Variants in DSCAML1 observed in about 807,000 individuals in gnomAD.
DSCAML1 encodes DS cell adhesion molecule like 1, also known as cell adhesion molecule DSCAML1.
A neutral mutation model predicts 200.5 loss-of-function variants in DSCAML1; 38 were observed. The ratio of observed to expected loss-of-function variants is 0.19; its 90% CI spans 0.15 to 0.25. DSCAML1 has a LOEUF of 0.25. Among genes scored for constraint, DSCAML1 ranks in the 10% least tolerant of loss-of-function variants. The pLI is 1.00. For missense variants in DSCAML1, 2,223 were observed against 2,858.8 expected (o/e 0.78, Z 5.07); for synonymous variants, 1,215 against 1,165.0 (o/e 1.04, Z -0.87).
intron 3 of DSCAML1, among the ~76,000 whole-genome samples, chr11:117,765,622 GA>G (rs1011595271): frequency 2.0e-5 from 3 of 152,156 alleles, no homozygotes; most frequent in Admixed American, 1.3e-4. Context: ...CTAGCCCTAG[GA>G]AAAATTGAAA....
At chr11:117,727,599 T>C (rs2054153677) in intron 3 of DSCAML1, among the ~76,000 whole-genome samples, 1 of 152,212 alleles carries the variant, frequency 6.6e-6, no homozygotes, top group Admixed American at 6.5e-5. Context: ...TGCAAGGGAC[T>C]GTATCCAGGT....
intron 19 of DSCAML1, among the ~76,000 whole-genome samples, chr11:117,454,823 G>A (rs747332537): frequency 8.5e-5 from 13 of 152,104 alleles, no homozygotes; most frequent in Non-Finnish European, 1.6e-4. Context: ...TCCAGTATTG[G>A]GATGATTTGA....
intron 3 of DSCAML1, among the ~76,000 whole-genome samples, chr11:117,618,586 A>G (rs887562097): frequency 1.3e-5 from 2 of 152,150 alleles, no homozygotes; most frequent in Admixed American, 1.3e-4. Context: ...ATAGTGCTGC[A>G]AAAAAATTCT....
intron 1 of DSCAML1, among the ~76,000 whole-genome samples, chr11:117,806,021 T>A (rs1432190676): frequency 1.3e-5 from 2 of 152,162 alleles, no homozygotes; most frequent in African/African-American, 4.8e-5. Flanking sequence ...CTCAGCTAAG[T>A]GGTGTTTACC....
At chr11:117,717,917 G>A (rs2053980134) in intron 3 of DSCAML1, among the ~76,000 whole-genome samples, 1 of 152,194 alleles carries the variant, frequency 6.6e-6, no homozygotes, top group Non-Finnish European at 1.5e-5. Context: ...AGGAGGAAAT[G>A]AGGGGTGAGA....
chr11:117,802,037 TAAGA>T (rs2055664489), upstream of DSCAML1: 1 of 152,178 alleles, frequency 6.6e-6, no homozygotes, highest in Non-Finnish European at 1.5e-5. Context: ...GTATGGAAAC[TAAGA>T]GAGATAGGAA....
At chr11:117,656,308 C>T (rs556310959) in intron 3 of DSCAML1, among the ~76,000 whole-genome samples, 1 of 152,320 alleles carries the variant, frequency 6.6e-6, no homozygotes, top group Admixed American at 6.5e-5. Context: ...ATCCTGGCTC[C>T]ACCAGGTAAC....
At chr11:117,756,419 C>T (rs2054694425) in intron 3 of DSCAML1, among the ~76,000 whole-genome samples, 1 of 152,114 alleles carries the variant, frequency 6.6e-6, no homozygotes, top group Non-Finnish European at 1.5e-5. Context: ...ATCCGTGAAA[C>T]TCAGAGCAAG....
intron 3 of DSCAML1, among the ~76,000 whole-genome samples, chr11:117,557,839 C>T (rs1409828917): frequency 6.0e-5 from 6 of 99,788 alleles, no homozygotes; most frequent in African/African-American, 2.3e-4. Flanking sequence ...TGGTTCTCAA[C>T]GAGGGGTGAT....
Position 117,505,363 on chromosome 11 carries a change from G to T in DSCAML1, c.2062+91C>A. ...AGATGCTGGAGCCCACCTTCCATGA[G>T]CCCGTGATTGGAACTGGAAATCTAG... On this transcript the variant is annotated intron_variant, in intron 9 of 32. Transcript: ENST00000651296. The surrounding 1 kb of genome is among the most constrained non-coding windows in gnomAD (Gnocchi z 6.7). 1 of 1,511,778 alleles carries T rather than the reference G, an allele frequency of 6.6e-7. No homozygotes were observed. Among genetic ancestry groups the T allele is most frequent in the Non-Finnish European group, 8.9e-7 (1 of 1,123,506 alleles). 93.6% of individuals were successfully genotyped at this position (1,511,778 alleles called of 1,614,324 possible).
intron 11 of DSCAML1, among the ~76,000 whole-genome samples, chr11:117,488,787 T>A (rs2049131941): frequency 6.6e-6 from 1 of 152,256 alleles, no homozygotes; most frequent in Non-Finnish European, 1.5e-5. Flanking sequence ...CACACACTTG[T>A]ATAGTTCCCT....
At chr11:117,442,410 T>G (rs1427833055) in intron 21 of DSCAML1, among the ~76,000 whole-genome samples, 2 of 152,030 alleles carry the variant, frequency 1.3e-5, no homozygotes, top group African/African-American at 4.8e-5. Flanking sequence ...CACATTAGTA[T>G]GTGTATGTGC....
intron 8 of DSCAML1, among the ~76,000 whole-genome samples, chr11:117,509,407 C>T (rs564133711): frequency 3.3e-4 from 51 of 152,292 alleles, no homozygotes; most frequent in African/African-American, 1.2e-3. Context: ...TGCAGCTGGG[C>T]TGGTCCCGCG....
intron 11 of DSCAML1, among the ~76,000 whole-genome samples, chr11:117,501,431 A>C (rs927768919): frequency 3.9e-5 from 6 of 152,044 alleles, no homozygotes; most frequent in African/African-American, 1.4e-4. Flanking sequence ...CTGCTACACA[A>C]AGACAGTCAG....
chr11:117,465,477 G>A (rs1025611586), intron 16 of DSCAML1, among the ~76,000 whole-genome samples: 5 of 152,142 alleles, frequency 3.3e-5, no homozygotes, highest in Non-Finnish European at 7.4e-5. Flanking sequence ...CGTCCTTGCC[G>A]AAATGCCTCT....
At chr11:117,502,970 C>T (rs554624811) in intron 11 of DSCAML1, among the ~76,000 whole-genome samples, 2 of 152,280 alleles carry the variant, frequency 1.3e-5, no homozygotes, top group East Asian at 1.9e-4. Flanking sequence ...CGCTAACACT[C>T]AGGCCCTTAT....
At chr11:117,640,564 T>G (rs2052386838) in intron 3 of DSCAML1, among the ~76,000 whole-genome samples, 1 of 152,114 alleles carries the variant, frequency 6.6e-6, no homozygotes, top group Admixed American at 6.6e-5. Flanking sequence ...CATCCCTGAC[T>G]CCTCTCTCTC....
At chr11:117,778,089 C>T (rs1420039543) in intron 2 of DSCAML1, among the ~76,000 whole-genome samples, 1 of 152,244 alleles carries the variant, frequency 6.6e-6, no homozygotes, top group Non-Finnish European at 1.5e-5. Context: ...CATCAAGAGT[C>T]TCTTAATTGA....
At chr11:117,470,016 T>C in intron 15 of DSCAML1, 36 bp from the exon 16 acceptor site, 1 of 1,555,526 alleles carries the variant, frequency 6.4e-7, no homozygotes, top group Non-Finnish European at 8.7e-7. Flanking sequence ...ACATTACAAG[T>C]CAAGACTTGG....
Sources: allele counts gnomAD v4.1 joint callset (sites outside exome capture counted in the v4.1 genomes callset), GRCh38; gene constraint gnomAD v4.1.1; non-coding constraint Gnocchi (gnomAD v3.1); transcripts MANE v1.5; gene names NCBI Gene and HGNC (gene_info 2026-07-23, HGNC 2026-07-21).